Variants in DLC1 observed in about 807,000 individuals in gnomAD.
DLC1 encodes the protein rho GTPase-activating protein 7.
Under a neutral mutation model 140.3 loss-of-function variants are expected in DLC1, and 54 were observed. The observed-to-expected ratio is 0.38, with a 90% CI of 0.31 to 0.48. The LOEUF is 0.48. Ranked by LOEUF, DLC1 falls within the 20% of genes least tolerant of loss-of-function variation. DLC1 has a pLI of 0.96. For missense variants in DLC1, 2,536 were observed against 1,907.0 expected (o/e 1.33, Z -6.14); for synonymous variants, 986 against 728.1 (o/e 1.35, Z -5.70).
At chr8:13,414,393 G>C (rs768610635) in intron 2 of DLC1, among the ~76,000 whole-genome samples, 17 of 152,078 alleles carry the variant, frequency 1.1e-4, no homozygotes, top group African/African-American at 2.7e-4. Flanking sequence ...TTGAGAACTT[G>C]GTGATGATCT....
At chr8:13,110,627 C>T (rs988346689) in intron 7 of DLC1, 115 bp downstream of exon 7, 6 of 965,540 alleles carry the variant, frequency 6.2e-6, no homozygotes, top group Middle Eastern at 2.2e-4. Flanking sequence ...CTATGGTTTG[C>T]CAATAAAAAC....
Position 13,196,321 on chromosome 8 carries a change from T to C in DLC1, c.1349-80664A>G, listed in dbSNP as rs999462121. ...TTCTGGATACAAGAAGAAAAAAATATTTTATTATTGTGTATTTTTCTCTAT... is the reference window on the plus strand; with the variant it reads ...TTCTGGATACAAGAAGAAAAAAATACTTTATTATTGTGTATTTTTCTCTAT... On this transcript the variant is annotated intron_variant, in intron 5 of 17. Transcript: ENST00000276297. Among the ~76,000 whole-genome samples, 7 of 152,140 alleles carry C rather than the reference T, an allele frequency of 4.6e-5. No homozygotes were observed. The East Asian group carries it at 5.8e-4, about 13-fold the overall frequency.
chr8:13,498,922 T>C, intron 2 of DLC1, 127 bp downstream of exon 2: 1 of 1,132,312 alleles, frequency 8.8e-7, no homozygotes. Flanking sequence ...GTCGTTGAAT[T>C]ACACATCTGC....
intron 1 of DLC1, among the ~76,000 whole-genome samples, chr8:13,520,325 G>T (rs971257499): frequency 7.2e-5 from 11 of 152,192 alleles, no homozygotes; most frequent in Admixed American, 3.3e-4. Context: ...CCTTTGCAGG[G>T]ACATGGATGA....
intron 1 of DLC1, among the ~76,000 whole-genome samples, chr8:13,523,517 G>C (rs1383283243): frequency 1.3e-5 from 2 of 152,156 alleles, no homozygotes; most frequent in Non-Finnish European, 2.9e-5. Flanking sequence ...TTGGAAAAGA[G>C]ATCTGGGCTA....
intron 5 of DLC1, among the ~76,000 whole-genome samples, chr8:13,269,025 C>T (rs981090885): frequency 6.1e-4 from 93 of 152,114 alleles, no homozygotes; most frequent in South Asian, 1.2e-3. Flanking sequence ...AGGCACCCGC[C>T]ACCACGCCTG....
chr8:13,209,356 G>A (rs776958915), intron 5 of DLC1, among the ~76,000 whole-genome samples: 6 of 152,092 alleles, frequency 3.9e-5, no homozygotes, highest in Non-Finnish European at 7.4e-5. Flanking sequence ...CCTTTGGAGA[G>A]TTAGTGCAAG....
In DLC1 at chr8:13,495,036, T is replaced by C. The variant is rs746529556; in HGVS notation, c.1023+4013A>G. ...ATTTGTTTTTGGAATATAAGGTTTTTGTTGGAATGTAGAATTAGGTGTCTT... is the reference window on the plus strand; with the variant it reads ...ATTTGTTTTTGGAATATAAGGTTTTCGTTGGAATGTAGAATTAGGTGTCTT... On this transcript the variant is annotated intron_variant, in intron 2 of 17. Transcript: ENST00000276297. Among the ~76,000 whole-genome samples, 7 of 152,182 alleles carry C rather than the reference T, an allele frequency of 4.6e-5. No homozygotes were observed. The East Asian group carries it at 9.6e-4, about 21-fold the overall frequency.
intron 2 of DLC1, among the ~76,000 whole-genome samples, chr8:13,439,423 T>G (rs951793410): frequency 1.3e-5 from 2 of 152,076 alleles, no homozygotes; most frequent in Admixed American, 1.3e-4. Context: ...CTTCCACATA[T>G]TTAAGTTTGA....
At chr8:13,461,561 A>C (rs1386436799) in intron 2 of DLC1, among the ~76,000 whole-genome samples, 1 of 152,176 alleles carries the variant, frequency 6.6e-6, no homozygotes, top group Non-Finnish European at 1.5e-5. Context: ...TTTAATAATG[A>C]TGATGATAGT....
At chr8:13,451,796 C>T (rs1247403593) in intron 2 of DLC1, among the ~76,000 whole-genome samples, 1 of 152,162 alleles carries the variant, frequency 6.6e-6, no homozygotes, top group Non-Finnish European at 1.5e-5. Flanking sequence ...GCTTCCAAAT[C>T]TTGATCATTG....
At chr8:13,122,653 G>C (rs964141341) in intron 5 of DLC1, among the ~76,000 whole-genome samples, 1 of 152,090 alleles carries the variant, frequency 6.6e-6, no homozygotes, top group Admixed American at 6.5e-5. Context: ...TAAATTCCTA[G>C]TAAGGTTAAG....
At chr8:13,345,670 G>T (rs1834302400) in intron 4 of DLC1, among the ~76,000 whole-genome samples, 1 of 145,154 alleles carries the variant, frequency 6.9e-6, no homozygotes, top group African/African-American at 2.6e-5. Flanking sequence ...CGGTCCTCCT[G>T]CCTCAGCCTC....
At chr8:13,389,803 T>C (rs1836672288) in intron 4 of DLC1, among the ~76,000 whole-genome samples, 1 of 152,292 alleles carries the variant, frequency 6.6e-6, no homozygotes, top group Middle Eastern at 3.4e-3. Context: ...ATAGATTTCA[T>C]AGCAGCAAAT....
intron 1 of DLC1, among the ~76,000 whole-genome samples, chr8:13,584,846 C>T (rs1042082977): frequency 3.3e-5 from 5 of 152,138 alleles, no homozygotes; most frequent in Non-Finnish European, 7.3e-5. Flanking sequence ...TTCTTTCTCC[C>T]GCAATAGGTC....
chr8:13,481,296 G>A (rs1201028665), intron 2 of DLC1, among the ~76,000 whole-genome samples: 1 of 152,018 alleles, frequency 6.6e-6, no homozygotes, highest in Non-Finnish European at 1.5e-5. Flanking sequence ...GCATGGTGGT[G>A]CATGCCTGTA....
At chr8:13,296,103 G>T (rs1490509141) in intron 5 of DLC1, among the ~76,000 whole-genome samples, 2 of 151,544 alleles carry the variant, frequency 1.3e-5, no homozygotes, top group East Asian at 3.9e-4. Flanking sequence ...TCATAGGCAT[G>T]CACCACCACG....
chr8:13,512,038 C>A (rs1802396107), intron 1 of DLC1, among the ~76,000 whole-genome samples: 1 of 151,904 alleles, frequency 6.6e-6, no homozygotes, highest in South Asian at 2.1e-4. Context: ...ATTATAATGT[C>A]CTTATGAAGA....
chr8:13,276,101 A>G (rs976986809), intron 5 of DLC1, among the ~76,000 whole-genome samples: 1 of 152,244 alleles, frequency 6.6e-6, no homozygotes, highest in Non-Finnish European at 1.5e-5. Context: ...AAGGTTAAAT[A>G]CTAGAGAAAG....
Sources: allele counts gnomAD v4.1 joint callset (sites outside exome capture counted in the v4.1 genomes callset), GRCh38; gene constraint gnomAD v4.1.1; transcripts MANE v1.5; gene names NCBI Gene and HGNC (gene_info 2026-07-23, HGNC 2026-07-21).